PRTG: variants seen among roughly 807,000 people sequenced by gnomAD.
The protein encoded by PRTG is protogenin.
A neutral mutation model predicts 122.5 loss-of-function variants in PRTG; 67 were observed. The observed-to-expected ratio is 0.55, with a 90% CI of 0.45 to 0.67. The LOEUF (loss-of-function observed/expected upper bound fraction) is 0.67, where lower values mean the gene tolerates loss of function less well. Among genes scored for constraint, PRTG ranks in the 30% least tolerant of loss-of-function variants. PRTG has a pLI of 0.00. For synonymous variants in PRTG, 554 were observed against 501.1 expected, an observed-to-expected ratio of 1.11 and a Z score of -1.41; for missense variants, 1,435 against 1,415.4, an observed-to-expected ratio of 1.01 and a Z score of -0.22.
At chr15:55,636,089 T>C (rs1025066796) in intron 15 of PRTG, among the ~76,000 whole-genome samples, 2 of 151,324 alleles carry the variant, frequency 1.3e-5, no homozygotes, top group Non-Finnish European at 2.9e-5. Flanking sequence ...TCCCAGCTAC[T>C]CAGGAGGCTG....
rs2059479401 is a variant in PRTG at position 55,672,646 on chromosome 15, A to G, written c.1853-13T>C. ...GGAGACTTAGGGGCTAGCAAAATTC[A>G]TCAGAAAATGTATGTATAAACAACC... On this transcript the variant is annotated splice_polypyrimidine_tract_variant and intron_variant, in intron 10 of 19. Coordinates refer to ENST00000389286, the MANE Select transcript of PRTG (RefSeq NM_173814.6). 1 of 1,600,570 alleles carries G rather than the reference A, an allele frequency of 6.2e-7. No individual in the cohort carries two copies. Among genetic ancestry groups the G allele is most frequent in the African/African-American group, 1.3e-5 (1 of 74,776 alleles).
At chr15:55,660,066 A>G (rs934428593) in intron 11 of PRTG, among the ~76,000 whole-genome samples, 23 of 152,210 alleles carry the variant, frequency 1.5e-4, no homozygotes, top group African/African-American at 5.5e-4. Flanking sequence ...ATTTATTTAT[A>G]ACATACATAT....
intron 2 of PRTG, among the ~76,000 whole-genome samples, chr15:55,693,038 C>T (rs1315019616): frequency 2.6e-5 from 4 of 151,026 alleles, no homozygotes; most frequent in East Asian, 2.0e-4. Context: ...TCAGTAGAGA[C>T]GGGGTTTCAC....
intron 14 of PRTG, 143 bp from the exon 15 acceptor site, chr15:55,637,483 A>T (rs2059264413): frequency 1.8e-6 from 1 of 543,026 alleles, no homozygotes; most frequent in African/African-American, 1.9e-5. Context: ...CATTAGTGAT[A>T]ATACTAAAGT....
chr15:55,694,767 T>G (rs1283772239), intron 2 of PRTG, among the ~76,000 whole-genome samples: 3 of 152,166 alleles, frequency 2.0e-5, no homozygotes, highest in Non-Finnish European at 4.4e-5. Context: ...TATTTTGCAT[T>G]TATTTAAATG....
At chr15:55,697,742 G>C (rs746356854) in intron 2 of PRTG, among the ~76,000 whole-genome samples, 4 of 152,070 alleles carry the variant, frequency 2.6e-5, no homozygotes, top group Non-Finnish European at 5.9e-5. Context: ...TGCTCACCTC[G>C]GCCTCCCAAA....
rs1320683751 is a variant in PRTG, at chr15:55,675,615, C to T, written c.1450G>A (p.Glu484Lys). The T allele has an allele frequency of 6.2e-7, 1 of 1,604,542 alleles. No individual in the cohort carries two copies. The highest frequency in any genetic ancestry group is 1.7e-5 in the Admixed American group (1 of 59,964). ...TAGAAAGTATAATTGCTGGCAGGCT[C>T]TAAGTCATCAATAATATAATGAGTT... ...DTTHYIIDDL[E>K]PASNYTFYIV... Residue 484 changes from glutamate (E) to lysine (K), a missense_variant, in exon 9 of 20, where the codon GAG becomes AAG. Physicochemically the swap from Glu to Lys is moderately conservative, Grantham distance 56. Transcript: ENST00000389286.
intron 11 of PRTG, among the ~76,000 whole-genome samples, chr15:55,643,371 T>G (rs2059303184): frequency 6.6e-6 from 1 of 152,232 alleles, no homozygotes; most frequent in East Asian, 1.9e-4. Flanking sequence ...CTTATTTGAC[T>G]ATCAGAAAAC....
At chr15:55,700,125 T>C (rs1410323982) in intron 2 of PRTG, among the ~76,000 whole-genome samples, 1 of 152,232 alleles carries the variant, frequency 6.6e-6, no homozygotes, top group East Asian at 1.9e-4. Flanking sequence ...TGTCTGTATA[T>C]GTACAGAAGA....
At chr15:55,728,386 A>G (rs2031114173) in intron 2 of PRTG, among the ~76,000 whole-genome samples, 2 of 152,174 alleles carry the variant, frequency 1.3e-5, no homozygotes, top group Non-Finnish European at 2.9e-5. Flanking sequence ...CCAAGTCCAA[A>G]AACATATTAA....
chr15:55,695,282 G>A (rs928308511), intron 2 of PRTG, among the ~76,000 whole-genome samples: 2 of 152,128 alleles, frequency 1.3e-5, no homozygotes, highest in African/African-American at 4.8e-5. Flanking sequence ...AGGTTGCAAT[G>A]AATAAAATGC....
intron 8 of PRTG, among the ~76,000 whole-genome samples, chr15:55,677,547 A>AGT (rs2059509528): frequency 6.6e-6 from 1 of 152,216 alleles, no homozygotes; most frequent in African/African-American, 2.4e-5. Context: ...CTAAGCAGGC[A>AGT]GTGATGCTTT....
intron 2 of PRTG, among the ~76,000 whole-genome samples, chr15:55,690,741 G>A (rs925054253): frequency 7.9e-5 from 12 of 152,044 alleles, no homozygotes; most frequent in African/African-American, 2.2e-4. Context: ...AAATAACAGA[G>A]GTTTGAAGCA....
chr15:55,681,776 G>C lies in PRTG; in HGVS notation c.676+588C>G, dbSNP rs941778362. Among the ~76,000 whole-genome samples the C allele has an allele frequency of 1.1e-4, 17 of 152,222 alleles. No individual in the cohort carries two copies. The East Asian group carries it at 3.3e-3, about 29-fold the overall frequency. On this transcript the variant is annotated intron_variant, in intron 4 of 19. Transcript: ENST00000389286. ...AACAAGCATATCTTTTTCCACAACA[G>C]ACAATTCTGGTAGAAACGGATGACT...
chr15:55,723,061 T>C (rs1318950988), intron 2 of PRTG, among the ~76,000 whole-genome samples: 1 of 152,170 alleles, frequency 6.6e-6, no homozygotes, highest in Non-Finnish European at 1.5e-5. Context: ...CTTGTGAGGA[T>C]GCTACATTTT....
intron 2 of PRTG, among the ~76,000 whole-genome samples, chr15:55,733,191 G>A (rs974307928): frequency 6.6e-6 from 1 of 152,006 alleles, no homozygotes; most frequent in African/African-American, 2.4e-5. Flanking sequence ...CCTGGCAACA[G>A]AGCAAGACTC....
At chr15:55,634,768 G>A (rs1158799783) in intron 15 of PRTG, among the ~76,000 whole-genome samples, 1 of 151,972 alleles carries the variant, frequency 6.6e-6, no homozygotes, top group Non-Finnish European at 1.5e-5. Flanking sequence ...CTTGAACCCA[G>A]GAGGAAGAGG....
intron 11 of PRTG, among the ~76,000 whole-genome samples, chr15:55,647,613 T>C (rs1382013296): frequency 6.6e-6 from 1 of 152,250 alleles, no homozygotes; most frequent in Non-Finnish European, 1.5e-5. Context: ...ATCATGCCTA[T>C]GAAGTACTTT....
At chr15:55,647,803 G>A (rs540890210) in intron 11 of PRTG, among the ~76,000 whole-genome samples, 2 of 152,216 alleles carry the variant, frequency 1.3e-5, no homozygotes, top group Non-Finnish European at 2.9e-5. Flanking sequence ...AAGATCTAGA[G>A]AACAGAATAT....
Sources: allele counts gnomAD v4.1 joint callset (sites outside exome capture counted in the v4.1 genomes callset), GRCh38; gene constraint gnomAD v4.1.1; transcripts MANE v1.5; gene names NCBI Gene and HGNC (gene_info 2026-07-23, HGNC 2026-07-21).